Variants in CCNA2 observed in about 807,000 individuals in gnomAD.
The protein encoded by CCNA2 is cyclin A2.
In CCNA2, 3 loss-of-function variants were observed where a neutral mutation model predicts 49.4. The observed-to-expected ratio is 0.06, with a 90% CI of 0.03 to 0.16. The LOEUF is 0.16. Ranked by LOEUF, CCNA2 falls within the 10% of genes least tolerant of loss-of-function variation. CCNA2 has a pLI of 1.00. For synonymous variants in CCNA2, 206 were observed against 197.2 expected (o/e 1.04, Z -0.37); for missense variants, 372 against 519.7 (o/e 0.72, Z 2.76).
At chr4:121,818,304 T>C in intron 6 of CCNA2, 127 bp from the exon 7 acceptor site, 1 of 814,130 alleles carries the variant, frequency 1.2e-6, no homozygotes, top group Non-Finnish European at 1.9e-6. Flanking sequence ...CTACTAGTTT[T>C]CTCAGGCCAT....
rs1507987 is a variant in CCNA2 at position 121,816,718 on chromosome 4, A to G, written c.*920T>C. 0.02 allele frequency: 29,982 copies of G among 1,496,656 alleles called. 2,234 individuals carry two copies. The highest frequency in any genetic ancestry group is 0.19 in the African/African-American group (13,299 of 69,702). The allele number at this position is 1,496,656 out of a possible 1,614,324, so 92.7% of individuals were successfully genotyped here. On this transcript the variant is annotated 3_prime_UTR_variant, in exon 8 of 8. Transcript: ENST00000274026. Reference sequence around the variant, plus strand: ...AAACTAAGAAATGCCTCTTATTTCAATAATCCAAAACTTAACATACTCTTA... The same window carrying G: ...AAACTAAGAAATGCCTCTTATTTCAGTAATCCAAAACTTAACATACTCTTA...
Position 121,823,477 on chromosome 4 carries a change from G to A in CCNA2, c.152C>T (p.Ala51Val). The A allele has an allele frequency of 6.2e-7, 1 of 1,613,342 alleles. No homozygotes were observed. The highest frequency in any genetic ancestry group is 8.5e-7 in the Non-Finnish European group (1 of 1,179,788). Reference protein sequence around the residue: ...VQQPRTRAALAVLKSGNPRGL... With the variant: ...VQQPRTRAALVVLKSGNPRGL... ...CCGCGGGTTCCCGGACTTCAGTACC[G>A]CCAGCGCGGCCCGGGTCCGCGGTTG... Residue 51 changes from alanine (A) to valine (V), a missense_variant, in exon 1 of 8, where the codon GCG becomes GTG. Physicochemically the swap from Ala to Val is moderately conservative, Grantham distance 64. This residue lies in a region of CCNA2 where 217 missense variants were observed against 231.7 expected (regional missense o/e 0.94). Coordinates refer to ENST00000274026, the MANE Select transcript of CCNA2 (RefSeq NM_001237.5).
In CCNA2 at chr4:121,820,468, C is replaced by T; in HGVS notation, c.794+74G>A. On this transcript the variant is annotated intron_variant, in intron 4 of 7. Coordinates refer to ENST00000274026, the MANE Select transcript of CCNA2 (RefSeq NM_001237.5). The surrounding 1 kb of genome is among the most constrained non-coding windows in gnomAD (Gnocchi z 4.1). ...CTCTGCCTGGTGTATGTTAAAAGGT[C>T]ACCATTAAAAAAATCAATTTCTTCC... 3 of 1,059,556 alleles carry T rather than the reference C, an allele frequency of 2.8e-6. No homozygotes were observed. Among genetic ancestry groups the T allele is most frequent in the Non-Finnish European group, 4.2e-6 (3 of 709,096 alleles). 65.6% of individuals were successfully genotyped at this position (1,059,556 alleles called of 1,614,324 possible).
rs1327782621 is a variant in CCNA2 at position 121,816,452 on chromosome 4, C to A, written c.*1186G>T. The A allele has an allele frequency of 6.5e-7, 1 of 1,539,482 alleles. No homozygotes were observed. The highest frequency in any genetic ancestry group is 8.8e-7 in the Non-Finnish European group (1 of 1,136,960). On this transcript the variant is annotated 3_prime_UTR_variant, in exon 8 of 8. Coordinates refer to ENST00000274026, the MANE Select transcript of CCNA2 (RefSeq NM_001237.5). ...CAAGAATCCAAAGAAAATAAGGTAACAAATTTCTGGTTTATTTCAAATGTA... is the reference window on the plus strand; with the variant it reads ...CAAGAATCCAAAGAAAATAAGGTAAAAAATTTCTGGTTTATTTCAAATGTA...
rs1348140063 is a variant in CCNA2, at chr4:121,820,620, A to C, written c.716T>G (p.Ile239Ser). The C allele has an allele frequency of 3.1e-6, 5 of 1,614,184 alleles. No homozygotes were observed. The highest frequency in any genetic ancestry group is 4.2e-6 in the Non-Finnish European group (5 of 1,180,004). ...TGACATGGAAGACAGGAACCTATCA[A>C]TGTAGTTCACAGCCAAATGCAGGGT... ...NETLHLAVNY[I>S]DRFLSSMSVL... Residue 239 changes from isoleucine (I) to serine (S), a missense_variant, in exon 4 of 8, where the codon ATT becomes AGT. Coordinates refer to ENST00000274026, the MANE Select transcript of CCNA2 (RefSeq NM_001237.5). The surrounding 1 kb of genome is among the most constrained non-coding windows in gnomAD (Gnocchi z 4.1).
intron 6 of CCNA2, 146 bp from the exon 7 acceptor site, chr4:121,818,323 C>T (rs1724600536): frequency 2.7e-6 from 2 of 739,976 alleles, no homozygotes; most frequent in African/African-American, 1.8e-5. Context: ...ATTATTCCAT[C>T]CCTCGATCCA....
intron 7 of CCNA2, 96 bp downstream of exon 7, chr4:121,817,948 G>A: frequency 8.1e-7 from 1 of 1,238,436 alleles, no homozygotes; most frequent in Non-Finnish European, 1.1e-6. Context: ...AGCTTCTCAA[G>A]GAGGCTATGG....
Position 121,816,633 on chromosome 4 carries a change from AATAT to A in CCNA2, c.*1001_*1004del. The stretch of plus-strand genomic sequence containing the variant: ...TATAAAAATTAGGACCTAAATCTAT[AATAT>A]AAACTTCTTGGATGCCAGTCTTACT... On this transcript the variant is annotated 3_prime_UTR_variant, in exon 8 of 8. Coordinates refer to ENST00000274026, the MANE Select transcript of CCNA2 (RefSeq NM_001237.5). 3 of 910,578 alleles carry A rather than the reference AATAT, an allele frequency of 3.3e-6. No individual in the cohort carries two copies. Among genetic ancestry groups the A allele is most frequent in the Non-Finnish European group, 4.8e-6 (3 of 625,272 alleles). 56.4% of individuals were successfully genotyped at this position (910,578 alleles called of 1,614,324 possible). A position where few individuals can be genotyped will look rare whatever the true frequency, so the allele number is the denominator to read the frequency against.
Position 121,818,788 on chromosome 4 carries a change from C to A in CCNA2, c.1116+12G>T, listed in dbSNP as rs199765041. On this transcript the variant is annotated intron_variant, in intron 6 of 7. Transcript: ENST00000274026. The stretch of plus-strand genomic sequence containing the variant: ...AGTCACAAGATAGGTGTGTGAAGAC[C>A]GTAATACATACCCAGCTTTGTCCCG... 2.6e-4 allele frequency: 397 copies of A among 1,513,552 alleles called. No homozygotes were observed. Among genetic ancestry groups the A allele is most frequent in the Non-Finnish European group, 3.2e-4 (351 of 1,088,780 alleles). The allele number at this position is 1,513,552 out of a possible 1,614,324, so 93.8% of individuals were successfully genotyped here.
chr4:121,818,399 A>C (rs1017659033), intron 6 of CCNA2, among the ~76,000 whole-genome samples: 11 of 152,162 alleles, frequency 7.2e-5, no homozygotes, highest in African/African-American at 2.7e-4. Flanking sequence ...TTTCAATCCA[A>C]GTTACAACTA....
At position 121,817,157 on chromosome 4, in the gene CCNA2, C is replaced by CCTG; in HGVS notation, c.*480_*481insCAG. The CCTG allele has an allele frequency of 3.4e-6, 1 of 292,604 alleles. No homozygotes were observed. Among genetic ancestry groups the CCTG allele is most frequent in the Non-Finnish European group, 6.3e-6 (1 of 157,802 alleles). The allele number at this position is 292,604 out of a possible 1,614,324, so 18.1% of individuals were successfully genotyped here. The stretch of plus-strand genomic sequence containing the variant: ...TCTGGGGAATCTCTACTGTATCTAT[C>CCTG]TCTGAATACTGTATTCAGATATGCT... On this transcript the variant is annotated 3_prime_UTR_variant, in exon 8 of 8. Transcript: ENST00000274026.
In CCNA2 at chr4:121,817,488, A is replaced by AC. The variant is rs1273163965; in HGVS notation, c.*149dup. ...ATATACAAAAGATATACAAATTAAAACCATTTAAAAAGTAATAGATACCAT... is the reference window on the plus strand; with the variant it reads ...ATATACAAAAGATATACAAATTAAAACCCATTTAAAAAGTAATAGATACCAT... On this transcript the variant is annotated 3_prime_UTR_variant, in exon 8 of 8. Coordinates refer to ENST00000274026, the MANE Select transcript of CCNA2 (RefSeq NM_001237.5). 2.4e-6 allele frequency: 2 copies of AC among 847,740 alleles called. No homozygotes were observed. The highest frequency in any genetic ancestry group is 3.5e-6 in the Non-Finnish European group (2 of 567,460). The allele number at this position is 847,740 out of a possible 1,614,324, so 52.5% of individuals were successfully genotyped here.
chr4:121,819,625 A>AG, intron 4 of CCNA2, 46 bp from the exon 5 acceptor site: 1 of 1,314,112 alleles, frequency 7.6e-7, no homozygotes, highest in Non-Finnish European at 1.1e-6. Flanking sequence ...AAGAGAAGCA[A>AG]GCTTCCTTAT....
Position 121,821,108 on chromosome 4 carries a change from GAT to G in CCNA2, c.458-19_458-18del. The stretch of plus-strand genomic sequence containing the variant: ...GTGGTGACTCTGGGACAATTCAAAA[GAT>G]ATGATTAAATTAATTGTTTGCCTAT... On this transcript the variant is annotated intron_variant, in intron 2 of 7. Coordinates refer to ENST00000274026, the MANE Select transcript of CCNA2 (RefSeq NM_001237.5). 1 of 1,598,828 alleles carries G rather than the reference GAT, an allele frequency of 6.3e-7. No homozygotes were observed.
Position 121,816,838 on chromosome 4 carries a change from GAA to G in CCNA2, c.*798_*799del. The G allele has an allele frequency of 6.3e-7, 1 of 1,592,390 alleles. No homozygotes were observed. Among genetic ancestry groups the G allele is most frequent in the African/African-American group, 1.4e-5 (1 of 73,862 alleles). ...AAAAGCCAGTGAAAAGAAGAAAAAA[GAA>G]GAGAGCTGCCAATTAAAGCTAACAG... On this transcript the variant is annotated 3_prime_UTR_variant, in exon 8 of 8. Transcript: ENST00000274026.
Position 121,817,655 on chromosome 4 carries a change from C to G in CCNA2, c.1282G>C (p.Glu428Gln). Residue 428 changes from glutamate to glutamine, a missense_variant, in exon 8 of 8, where the codon GAG becomes CAG. Transcript: ENST00000274026. ...TTTCATTGTTACAGATTTAGTGTCT[C>G]TGGTGGGTTGAGGAGAGAAACACCA... ...YHGVSLLNPP[E>Q]TLNL The G allele has an allele frequency of 1.2e-6, 2 of 1,613,688 alleles. No individual in the cohort carries two copies. The highest frequency in any genetic ancestry group is 1.7e-6 in the Non-Finnish European group (2 of 1,179,892).
At position 121,820,494 on chromosome 4, in the gene CCNA2, C is replaced by G; in HGVS notation, c.794+48G>C. On this transcript the variant is annotated intron_variant, in intron 4 of 7. Coordinates refer to ENST00000274026, the MANE Select transcript of CCNA2 (RefSeq NM_001237.5). The surrounding 1 kb of genome is among the most constrained non-coding windows in gnomAD (Gnocchi z 4.1). ...ACCATTAAAAAAATCAATTTCTTCC[C>G]TAGACAAAAGGTCGTGATCACTTTT... 2 of 1,370,568 alleles carry G rather than the reference C, an allele frequency of 1.5e-6. No individual in the cohort carries two copies. The highest frequency in any genetic ancestry group is 1.3e-5 in the South Asian group (1 of 78,022). The allele number at this position is 1,370,568 out of a possible 1,614,324, so 84.9% of individuals were successfully genotyped here.
rs2149040862 is a variant in CCNA2 at position 121,816,548 on chromosome 4, A to G, written c.*1090T>C. 1 of 867,702 alleles carries G rather than the reference A, an allele frequency of 1.2e-6. No individual in the cohort carries two copies. 53.8% of individuals were successfully genotyped at this position (867,702 alleles called of 1,614,324 possible). On this transcript the variant is annotated 3_prime_UTR_variant, in exon 8 of 8. Coordinates refer to ENST00000274026, the MANE Select transcript of CCNA2 (RefSeq NM_001237.5). ...TCATCTTGCCACATGACTATAAACAAAAAGACATCCCTTTTTCATTAGAGA... is the reference window on the plus strand; with the variant it reads ...TCATCTTGCCACATGACTATAAACAGAAAGACATCCCTTTTTCATTAGAGA...
chr4:121,823,736 C>G lies in CCNA2; in HGVS notation c.-108G>C, dbSNP rs890847243. Reference sequence around the variant, plus strand: ...CCGGCCAAAGAATAGTCGTAGCCGCCGGTCGCAGCCCAGGCCAGCCTACCA... The same window carrying G: ...CCGGCCAAAGAATAGTCGTAGCCGCGGGTCGCAGCCCAGGCCAGCCTACCA... On this transcript the variant is annotated 5_prime_UTR_variant, in exon 1 of 8. Transcript: ENST00000274026. 6.9e-7 allele frequency: 1 copy of G among 1,448,538 alleles called. No homozygotes were observed. 89.7% of individuals were successfully genotyped at this position (1,448,538 alleles called of 1,614,324 possible).
Sources: allele counts gnomAD v4.1 joint callset (sites outside exome capture counted in the v4.1 genomes callset), GRCh38; gene constraint gnomAD v4.1.1; regional missense constraint gnomAD v4.1.1; non-coding constraint Gnocchi (gnomAD v3.1); transcripts MANE v1.5; gene names NCBI Gene and HGNC (gene_info 2026-07-23, HGNC 2026-07-21).